OPRD1: variants seen among roughly 807,000 people sequenced by gnomAD.
The protein encoded by OPRD1 is opioid receptor delta 1.
OPRD1 carries 19 observed loss-of-function variants against 17.5 expected under a neutral mutation model. The observed-to-expected ratio is 1.09, with a 90% confidence interval of 0.76 to 1.60. The LOEUF (loss-of-function observed/expected upper bound fraction) is 1.60. Ranked by LOEUF, OPRD1 falls within the 40% of genes most tolerant of loss-of-function variation. OPRD1 has a pLI of 0.00. For missense variants in OPRD1, 483 were observed against 547.2 expected (o/e 0.88, Z 1.17); for synonymous variants, 256 against 240.9 (o/e 1.06, Z -0.58).
At chr1:28,832,073 A>G (rs181658482) in intron 1 of OPRD1, among the ~76,000 whole-genome samples, 1 of 152,252 alleles carries the variant, frequency 6.6e-6, no homozygotes, top group Non-Finnish European at 1.5e-5. Context: ...CAGAGCTCAG[A>G]TGTACAAAGT....
chr1:28,814,815 A>T (rs2088660799), intron 1 of OPRD1, among the ~76,000 whole-genome samples: 1 of 152,180 alleles, frequency 6.6e-6, no homozygotes, highest in African/African-American at 2.4e-5. Flanking sequence ...TGTTGCCAAG[A>T]CATTTCGCTG....
chr1:28,839,516 T>C (rs1308527899), intron 1 of OPRD1, among the ~76,000 whole-genome samples: 4 of 152,160 alleles, frequency 2.6e-5, no homozygotes, highest in Admixed American at 1.3e-4. Context: ...CTGGATTTGG[T>C]TGGAGACCAA....
chr1:28,855,270 A>G (rs535125835), intron 1 of OPRD1, among the ~76,000 whole-genome samples: 1 of 152,286 alleles, frequency 6.6e-6, no homozygotes, highest in East Asian at 1.9e-4. Flanking sequence ...CCGGGGTTCC[A>G]GGCAGAGGCA....
chr1:28,857,590 T>C (rs996184322), intron 1 of OPRD1, among the ~76,000 whole-genome samples: 1 of 152,126 alleles, frequency 6.6e-6, no homozygotes, highest in African/African-American at 2.4e-5. Flanking sequence ...CACCTCAGTC[T>C]CCTGAGTGAT....
At chr1:28,822,388 G>A (rs1287436812) in intron 1 of OPRD1, among the ~76,000 whole-genome samples, 2 of 152,128 alleles carry the variant, frequency 1.3e-5, no homozygotes, top group East Asian at 1.9e-4. Flanking sequence ...GTTTGGCCCT[G>A]GAGATTCGGG....
At chr1:28,813,951 C>T (rs1210484581) in intron 1 of OPRD1, among the ~76,000 whole-genome samples, 1 of 152,178 alleles carries the variant, frequency 6.6e-6, no homozygotes, top group Non-Finnish European at 1.5e-5. Flanking sequence ...TATGGGGTCT[C>T]TGCAGCGCAG....
chr1:28,835,880 C>T (rs2124271608), intron 1 of OPRD1, among the ~76,000 whole-genome samples: 1 of 152,356 alleles, frequency 6.6e-6, no homozygotes. Flanking sequence ...CTTCATCCCT[C>T]TGAGCCTCAA....
chr1:28,826,508 C>T (rs928354188), intron 1 of OPRD1, among the ~76,000 whole-genome samples: 1 of 151,354 alleles, frequency 6.6e-6, no homozygotes, highest in Admixed American at 6.6e-5. Flanking sequence ...AGAGCCAGAC[C>T]CTGTCTCAAA....
chr1:28,863,921 G>A lies in OPRD1; in HGVS notation c.*638G>A, dbSNP rs2089149184. On this transcript the variant is annotated 3_prime_UTR_variant, in exon 3 of 3. Transcript: ENST00000234961. ...AGTCCCAGCCCTGAGTTCTAGCAAG[G>A]GGCAAGGCTCGCTGAGGTCCAGGTC... is the stretch of plus-strand genomic sequence containing the variant. 1 of 152,376 alleles carries A rather than the reference G, an allele frequency of 6.6e-6. No homozygotes were observed. The highest frequency in any genetic ancestry group is 1.5e-5 in the Non-Finnish European group (1 of 68,182). The allele number at this position is 152,376 out of a possible 1,614,324, so 9.4% of individuals were successfully genotyped here.
intron 1 of OPRD1, among the ~76,000 whole-genome samples, chr1:28,850,172 G>A (rs1297101939): frequency 6.6e-6 from 1 of 151,494 alleles, no homozygotes; most frequent in Non-Finnish European, 1.5e-5. Flanking sequence ...GAGCCACGGC[G>A]CCCAGCTGAG....
intron 1 of OPRD1, among the ~76,000 whole-genome samples, chr1:28,830,329 C>G (rs1034278063): frequency 6.6e-6 from 1 of 151,626 alleles, no homozygotes; most frequent in African/African-American, 2.4e-5. Flanking sequence ...TCGAGACCAG[C>G]CCTGGCAACA....
rs144531180 is a variant in OPRD1 at position 28,826,300 on chromosome 1, A to C, written c.227+13690A>C. On this transcript the variant is annotated intron_variant, in intron 1 of 2. Coordinates refer to ENST00000234961, the MANE Select transcript of OPRD1 (RefSeq NM_000911.4). ...CACTTTGGGAGGCTGAGGTGGGCAG[A>C]TTGCTTGAGCTCAGGAGTTAGAGCC... Among the ~76,000 whole-genome samples the C allele has an allele frequency of 3.5e-3, 526 of 152,264 alleles. 3 individuals carry two copies. The highest frequency in any genetic ancestry group is 0.012 in the African/African-American group (503 of 41,552).
chr1:28,846,842 TTTC>T (rs796630328), intron 1 of OPRD1, among the ~76,000 whole-genome samples: 1,479 of 70,698 alleles, frequency 0.021, 21 homozygotes, highest in African/African-American at 0.061. Flanking sequence ...TCTTTCTTTC[TTTC>T]TTTTCTTTCT....
At chr1:28,823,889 C>G (rs72663883) in intron 1 of OPRD1, among the ~76,000 whole-genome samples, 62,032 of 150,162 alleles carry the variant, frequency 0.41, 14,282 homozygotes, top group African/African-American at 0.63. Context: ...CAAAAAAACC[C>G]CATTCAGGCC....
rs544704631 is a variant in OPRD1, at chr1:28,830,689, G to T, written c.227+18079G>T. Among the ~76,000 whole-genome samples, 4 of 152,342 alleles carry T rather than the reference G, an allele frequency of 2.6e-5. No individual in the cohort carries two copies. In the South Asian group the frequency reaches 8.3e-4, roughly 32 times the overall value. On this transcript the variant is annotated intron_variant, in intron 1 of 2. Coordinates refer to ENST00000234961, the MANE Select transcript of OPRD1 (RefSeq NM_000911.4). ...GTGCTGATAACTTGCTCATAGCAGG[G>T]TTGCCACAAACCTTCAATTTGTAAA...
chr1:28,860,289 T>A (rs1001403710), intron 2 of OPRD1, among the ~76,000 whole-genome samples: 2 of 151,236 alleles, frequency 1.3e-5, no homozygotes, highest in Admixed American at 1.3e-4. Context: ...CACTTGAACC[T>A]GGGAGGCGGA....
Position 28,868,036 on chromosome 1 carries a change from A to G in OPRD1, c.*4753A>G, listed in dbSNP as rs890697333. The G allele has an allele frequency of 2.0e-5, 3 of 152,502 alleles. No individual in the cohort carries two copies. The highest frequency in any genetic ancestry group is 4.4e-5 in the Non-Finnish European group (3 of 68,150). The allele number at this position is 152,502 out of a possible 1,614,324, so 9.4% of individuals were successfully genotyped here. ...AGGAGGATGGAGAGAATGTGCTACC[A>G]TGGAAACTGGAGGAGGAGGGCGTTC... On this transcript the variant is annotated 3_prime_UTR_variant, in exon 3 of 3. Transcript: ENST00000234961.
chr1:28,828,321 T>G (rs4654375), intron 1 of OPRD1, among the ~76,000 whole-genome samples: 59,953 of 151,912 alleles, frequency 0.39, 12,913 homozygotes, highest in African/African-American at 0.57. Context: ...AAAGGAATCT[T>G]TTTTTCTGAG....
Position 28,858,829 on chromosome 1 carries a change from A to T in OPRD1, c.228-125A>T, listed in dbSNP as rs575897727. ...CAAAAGTGCTGGGATTACAGTTGTG[A>T]GGCACCATGCCTAGCCTCCCCTGAC... On this transcript the variant is annotated intron_variant, in intron 1 of 2. Coordinates refer to ENST00000234961, the MANE Select transcript of OPRD1 (RefSeq NM_000911.4). 2.0e-5 allele frequency: 18 copies of T among 903,976 alleles called. No homozygotes were observed. The South Asian group carries it at 2.8e-4, about 14-fold the overall frequency. 56.0% of individuals were successfully genotyped at this position (903,976 alleles called of 1,614,324 possible). A position where few individuals can be genotyped will look rare whatever the true frequency, so the allele number is the denominator to read the frequency against.
Sources: allele counts gnomAD v4.1 joint callset (sites outside exome capture counted in the v4.1 genomes callset), GRCh38; gene constraint gnomAD v4.1.1; transcripts MANE v1.5; gene names NCBI Gene and HGNC (gene_info 2026-07-23, HGNC 2026-07-21).